DPP6: variants seen among roughly 807,000 people sequenced by gnomAD.
The protein encoded by DPP6 is A-type potassium channel modulatory protein DPP6.
Under a neutral mutation model 122.6 loss-of-function variants are expected in DPP6, and 69 were observed. The ratio of observed to expected loss-of-function variants is 0.56; its 90% CI spans 0.46 to 0.69. The LOEUF is 0.69. Among genes scored for constraint, DPP6 ranks in the 30% least tolerant of loss-of-function variants. The pLI is 0.00. For synonymous variants in DPP6, 418 were observed against 433.1 expected (o/e 0.97, Z 0.43); for missense variants, 928 against 1,116.9 (o/e 0.83, Z 2.41).
intron 3 of DPP6, among the ~76,000 whole-genome samples, chr7:154,500,425 C>T (rs1022021565): frequency 6.6e-6 from 1 of 152,200 alleles, no homozygotes; most frequent in African/African-American, 2.4e-5. Context: ...TTCGCTGTGT[C>T]ACTACCCAAA....
the DPP6 span, among the ~76,000 whole-genome samples, chr7:153,851,511 T>C: frequency 6.6e-6 from 1 of 152,214 alleles, no homozygotes; most frequent in Non-Finnish European, 1.5e-5. Flanking sequence ...TGATTTTTGT[T>C]CCTTTGTACT....
At chr7:153,843,451 C>T in the DPP6 span, among the ~76,000 whole-genome samples, 1 of 152,106 alleles carries the variant, frequency 6.6e-6, no homozygotes, top group Admixed American at 6.5e-5. Context: ...TCTCTTTGTT[C>T]CCAGGTGGAT....
chr7:154,571,989 T>A (rs1426565458), intron 5 of DPP6, among the ~76,000 whole-genome samples: 1 of 152,122 alleles, frequency 6.6e-6, no homozygotes, highest in African/African-American at 2.4e-5. Context: ...TGCAGTTGCA[T>A]CTGAGAGCTC....
chr7:153,924,407 C>T (rs913683435), intron 1 of DPP6, among the ~76,000 whole-genome samples: 1 of 152,166 alleles, frequency 6.6e-6, no homozygotes, highest in Admixed American at 6.5e-5. Flanking sequence ...TGTGCCCGGC[C>T]TCATTGAGGG....
intron 4 of DPP6, among the ~76,000 whole-genome samples, chr7:154,552,352 C>T (rs1829699623): frequency 6.6e-6 from 1 of 152,164 alleles, no homozygotes; most frequent in Non-Finnish European, 1.5e-5. Context: ...AACAAAAACC[C>T]TTACCTTGGA....
At chr7:154,158,232 C>A (rs1248777134) in intron 1 of DPP6, among the ~76,000 whole-genome samples, 1 of 150,918 alleles carries the variant, frequency 6.6e-6, no homozygotes, top group Admixed American at 6.6e-5. Context: ...GCTTTCAGAT[C>A]TTGGAGGGGT....
At chr7:154,492,931 AC>A (rs1183924868) in intron 3 of DPP6, among the ~76,000 whole-genome samples, 2 of 152,194 alleles carry the variant, frequency 1.3e-5, no homozygotes, top group Admixed American at 1.3e-4. Context: ...CTAAGATGTA[AC>A]CCAAATAGAA....
intron 8 of DPP6, among the ~76,000 whole-genome samples, chr7:154,765,418 T>A (rs541755565): frequency 3.3e-5 from 5 of 152,324 alleles, no homozygotes; most frequent in African/African-American, 9.6e-5. Context: ...GAAATAATAG[T>A]GGTGGTCACC....
intron 1 of DPP6, among the ~76,000 whole-genome samples, chr7:153,912,828 T>C (rs2129003797): frequency 6.6e-6 from 1 of 152,288 alleles, no homozygotes; most frequent in South Asian, 2.1e-4. Flanking sequence ...ACACAGCAGG[T>C]AATCTCTTTG....
chr7:153,946,416 T>A (rs895532072), intron 1 of DPP6, among the ~76,000 whole-genome samples: 1 of 152,144 alleles, frequency 6.6e-6, no homozygotes, highest in South Asian at 2.1e-4. Flanking sequence ...ATTTGTAAAC[T>A]GTCATGGTGC....
chr7:154,654,426 T>C (rs13229641), intron 6 of DPP6, among the ~76,000 whole-genome samples: 2,493 of 17,754 alleles, frequency 0.14, 19 homozygotes, highest in Non-Finnish European at 0.31. Context: ...TCTTTCTTTC[T>C]TTCTTTTTTT....
chr7:154,634,961 G>C lies in DPP6; in HGVS notation c.628-2860G>C, dbSNP rs529670679. Among the ~76,000 whole-genome samples, 5 of 152,230 alleles carry C rather than the reference G, an allele frequency of 3.3e-5. No individual in the cohort carries two copies. The East Asian group carries it at 9.7e-4, about 29-fold the overall frequency. On this transcript the variant is annotated intron_variant, in intron 5 of 25. Coordinates refer to ENST00000377770, the MANE Select transcript of DPP6 (RefSeq NM_130797.4). ...GGACCTTCAACCAGGAAAGATGGCA[G>C]CTATTCTTACTTTGCATATTTATTA...
At chr7:154,269,222 A>T (rs1803635563) in intron 1 of DPP6, among the ~76,000 whole-genome samples, 1 of 152,186 alleles carries the variant, frequency 6.6e-6, no homozygotes, top group Admixed American at 6.5e-5. Flanking sequence ...CAAAGAATTG[A>T]ATCATGGCTA....
chr7:153,824,438 G>A, the DPP6 span, among the ~76,000 whole-genome samples: 1 of 143,342 alleles, frequency 7.0e-6, no homozygotes, highest in Non-Finnish European at 1.5e-5. Flanking sequence ...TGTAATCCCA[G>A]CACTTTGGGA....
chr7:154,878,580 A>G (rs1195132296), intron 20 of DPP6, among the ~76,000 whole-genome samples: 2 of 152,188 alleles, frequency 1.3e-5, no homozygotes, highest in African/African-American at 4.8e-5. Context: ...CAGGAGGCTG[A>G]CACATTAGCC....
chr7:154,278,578 G>A (rs1186539627), intron 1 of DPP6, among the ~76,000 whole-genome samples: 1 of 152,218 alleles, frequency 6.6e-6, no homozygotes, highest in Non-Finnish European at 1.5e-5. Context: ...TTGGCTATAG[G>A]TGGTGCAACT....
In DPP6 at chr7:154,540,531, G is replaced by C; in HGVS notation, c.458-1G>C. 4 of 1,590,806 alleles carry C rather than the reference G, an allele frequency of 2.5e-6. No individual in the cohort carries two copies. The highest frequency in any genetic ancestry group is 3.4e-6 in the Non-Finnish European group (4 of 1,161,578). On this transcript the variant is annotated splice_acceptor_variant, in intron 3 of 25. Transcript: ENST00000377770. LOFTEE classifies it high-confidence loss of function. Reference sequence around the variant, plus strand: ...GTTTTTTTCTACTTCCTCTCTTACAGATACAGAATTCATCTACAGAGAACA... The same window carrying C: ...GTTTTTTTCTACTTCCTCTCTTACACATACAGAATTCATCTACAGAGAACA...
chr7:154,199,827 C>CT (rs753727242), intron 1 of DPP6, among the ~76,000 whole-genome samples: 5 of 152,130 alleles, frequency 3.3e-5, no homozygotes, highest in African/African-American at 4.8e-5. Context: ...AGGCTAGTGT[C>CT]TAACTCCTGA....
At chr7:154,284,737 C>A (rs1265818696) in intron 1 of DPP6, among the ~76,000 whole-genome samples, 1 of 152,154 alleles carries the variant, frequency 6.6e-6, no homozygotes, top group Non-Finnish European at 1.5e-5. Context: ...CACCTGTAAC[C>A]CCAGCTACTT....
Sources: allele counts gnomAD v4.1 joint callset (sites outside exome capture counted in the v4.1 genomes callset), GRCh38; gene constraint gnomAD v4.1.1; transcripts MANE v1.5; gene names NCBI Gene and HGNC (gene_info 2026-07-23, HGNC 2026-07-21).